AUTS2: variants seen among roughly 807,000 people sequenced by gnomAD.
AUTS2 encodes autism susceptibility gene 2 protein.
Under a neutral mutation model 112.4 loss-of-function variants are expected in AUTS2, and 17 were observed. That is an observed-to-expected ratio of 0.15 (90% confidence interval 0.10 to 0.23). The LOEUF is 0.23. Ranked by LOEUF, AUTS2 falls within the 10% of genes least tolerant of loss-of-function variation. AUTS2 has a pLI of 1.00. For synonymous variants in AUTS2, 751 were observed against 702.7 expected (o/e 1.07, Z -1.09); for missense variants, 1,510 against 1,701.6 (o/e 0.89, Z 1.98).
intron 2 of AUTS2, among the ~76,000 whole-genome samples, chr7:69,923,507 G>T (rs1038857414): frequency 9.2e-5 from 14 of 152,164 alleles, no homozygotes; most frequent in African/African-American, 3.4e-4. Context: ...ATCTGGCCAA[G>T]ATGTTGGTTG....
At chr7:69,723,226 A>C (rs1799060366) in intron 1 of AUTS2, among the ~76,000 whole-genome samples, 1 of 152,024 alleles carries the variant, frequency 6.6e-6, no homozygotes, top group Admixed American at 6.6e-5. Flanking sequence ...GGTCTTGTGT[A>C]TATATAGAGT....
chr7:70,129,507 TA>T (rs1321711465), intron 3 of AUTS2, among the ~76,000 whole-genome samples: 24 of 152,318 alleles, frequency 1.6e-4, no homozygotes, highest in African/African-American at 5.8e-4. Context: ...AGTTGCAACA[TA>T]AAATTGACCA....
intron 5 of AUTS2, among the ~76,000 whole-genome samples, chr7:70,604,598 A>G (rs180845226): frequency 2.0e-4 from 30 of 152,376 alleles, no homozygotes; most frequent in Admixed American, 1.2e-3. Context: ...GCTGTTCCCC[A>G]GTATAGAATT....
chr7:69,612,534 A>G (rs1253021790), intron 1 of AUTS2, among the ~76,000 whole-genome samples: 1 of 151,842 alleles, frequency 6.6e-6, no homozygotes. Context: ...GTCATGGCTC[A>G]CTGCAGCCTC....
At chr7:69,876,359 T>TATAA (rs1476951453) in intron 1 of AUTS2, among the ~76,000 whole-genome samples, 3 of 103,050 alleles carry the variant, frequency 2.9e-5, no homozygotes, top group African/African-American at 1.2e-4. Flanking sequence ...AATATATATA[T>TATAA]ATATATATAT....
At chr7:70,038,503 C>G (rs539090925) in intron 2 of AUTS2, among the ~76,000 whole-genome samples, 1 of 152,166 alleles carries the variant, frequency 6.6e-6, no homozygotes, top group East Asian at 1.9e-4. Context: ...CCTAACTACG[C>G]AAATTAGGCT....
chr7:70,583,633 T>A (rs1471184168), intron 5 of AUTS2, among the ~76,000 whole-genome samples: 1 of 151,952 alleles, frequency 6.6e-6, no homozygotes, highest in Admixed American at 6.6e-5. Context: ...TTTAGGGGAG[T>A]GGTGGACAGT....
Position 70,791,067 on chromosome 7 carries a change from A to T in AUTS2, c.*71A>T. The T allele has an allele frequency of 2.2e-6, 3 of 1,383,222 alleles. No homozygotes were observed. The highest frequency in any genetic ancestry group is 2.8e-6 in the Non-Finnish European group (3 of 1,068,340). The allele number at this position is 1,383,222 out of a possible 1,614,324, so 85.7% of individuals were successfully genotyped here. A position where few individuals can be genotyped will look rare whatever the true frequency, so the allele number is the denominator to read the frequency against. On this transcript the variant is annotated 3_prime_UTR_variant, in exon 19 of 19. Coordinates refer to ENST00000342771, the MANE Select transcript of AUTS2 (RefSeq NM_015570.4). ...CACCAGGCCAGGCTTGAGAGACAGA[A>T]CTCCTGCATGGCTCACACAGACTGG...
rs113112399 is a variant in AUTS2, at chr7:70,519,510, A to G, written c.690+83729A>G. Among the ~76,000 whole-genome samples the G allele has an allele frequency of 8.2e-3, 1,250 of 152,344 alleles. 5 individuals carry two copies. Among genetic ancestry groups the G allele is most frequent in the Admixed American group, 0.018 (271 of 15,312 alleles). On this transcript the variant is annotated intron_variant, in intron 5 of 18. Transcript: ENST00000342771. The stretch of plus-strand genomic sequence containing the variant: ...GAATAGAAGTTATATCCAAATGCCA[A>G]TAAAACCCAGTTAGAATTTAATGTA...
In AUTS2 at chr7:69,842,106, G is replaced by A. The variant is rs767350185; in HGVS notation, c.310-57180G>A. Among the ~76,000 whole-genome samples the A allele has an allele frequency of 8.5e-5, 13 of 152,238 alleles. 1 individual carries two copies. In the Middle Eastern group the frequency reaches 0.01, roughly 119 times the overall value. On this transcript the variant is annotated intron_variant, in intron 1 of 18. Transcript: ENST00000342771. ...GGAAAAGTTTATATGTAATTTCTGA[G>A]ATTTCTAGCTCATGCATGCATTTCT... is the stretch of plus-strand genomic sequence containing the variant.
intron 4 of AUTS2, among the ~76,000 whole-genome samples, chr7:70,389,385 C>T (rs1245635038): frequency 6.6e-6 from 1 of 152,208 alleles, no homozygotes; most frequent in Non-Finnish European, 1.5e-5. Context: ...TCACAGGTGC[C>T]ATCATCACAT....
At chr7:70,036,822 T>G (rs1361851258) in intron 2 of AUTS2, among the ~76,000 whole-genome samples, 2 of 152,196 alleles carry the variant, frequency 1.3e-5, no homozygotes, top group African/African-American at 4.8e-5. Context: ...GCCAATCAGT[T>G]AAATCACCTA....
intron 6 of AUTS2, among the ~76,000 whole-genome samples, chr7:70,714,876 G>A (rs113798269): frequency 0.015 from 2,336 of 152,332 alleles, 59 homozygotes; most frequent in African/African-American, 0.052. Flanking sequence ...GGGTGTCCCA[G>A]TTTTAGTGAT....
At chr7:70,242,475 A>C (rs547330194) in intron 4 of AUTS2, among the ~76,000 whole-genome samples, 1 of 152,302 alleles carries the variant, frequency 6.6e-6, no homozygotes, top group South Asian at 2.1e-4. Context: ...TGGGTGTTAT[A>C]CAAATCAGAA....
chr7:70,250,985 C>T (rs979845070), intron 4 of AUTS2, among the ~76,000 whole-genome samples: 5 of 152,118 alleles, frequency 3.3e-5, no homozygotes, highest in African/African-American at 1.2e-4. Flanking sequence ...ATATAACAAA[C>T]CTGCACATGT....
chr7:70,398,408 A>C (rs1585099157), intron 4 of AUTS2, among the ~76,000 whole-genome samples: 1 of 152,078 alleles, frequency 6.6e-6, no homozygotes, highest in East Asian at 1.9e-4. Context: ...ATCTTCTTTC[A>C]TTTCTCTTAG....
At chr7:70,520,848 A>G (rs1799613124) in intron 5 of AUTS2, among the ~76,000 whole-genome samples, 1 of 152,194 alleles carries the variant, frequency 6.6e-6, no homozygotes, top group South Asian at 2.1e-4. Flanking sequence ...ATCTTCAACA[A>G]TTCTTTCCTA....
chr7:69,939,460 G>C (rs1484327577), intron 2 of AUTS2, among the ~76,000 whole-genome samples: 1 of 152,142 alleles, frequency 6.6e-6, no homozygotes, highest in Non-Finnish European at 1.5e-5. Context: ...TGCTGCAGGA[G>C]CTGGGGTAGC....
intron 4 of AUTS2, among the ~76,000 whole-genome samples, chr7:70,229,602 A>T (rs1811939926): frequency 6.6e-6 from 1 of 152,086 alleles, no homozygotes; most frequent in Admixed American, 6.6e-5. Flanking sequence ...AGTTTAGATT[A>T]ATGTTTTTCA....
Sources: allele counts gnomAD v4.1 joint callset (sites outside exome capture counted in the v4.1 genomes callset), GRCh38; gene constraint gnomAD v4.1.1; transcripts MANE v1.5; gene names NCBI Gene and HGNC (gene_info 2026-07-23, HGNC 2026-07-21).